NCKAP5: variants seen among roughly 807,000 people sequenced by gnomAD.
NCKAP5 encodes the protein NCK associated protein 5, also known as nck-associated protein 5.
Under a neutral mutation model 167.0 loss-of-function variants are expected in NCKAP5, and 92 were observed. That is an observed-to-expected ratio of 0.55 (90% CI 0.47 to 0.66). NCKAP5 has a LOEUF of 0.66. Ranked by LOEUF, NCKAP5 falls within the 30% of genes least tolerant of loss-of-function variation. The probability of loss-of-function intolerance (pLI) is 0.00; values close to 1 mark genes in which losing one functional copy is unlikely to be tolerated. For synonymous variants in NCKAP5, 891 were observed against 877.4 expected, an observed-to-expected ratio of 1.02 and a Z score of -0.27; for missense variants, 2,378 against 2,315.0, an observed-to-expected ratio of 1.03 and a Z score of -0.56.
intron 8 of NCKAP5, chr2:132,931,312 T>C (rs1445589523): frequency 1.3e-5 from 2 of 152,220 alleles, no homozygotes; most frequent in Non-Finnish European, 2.9e-5. Context: ...GCGAATAGAC[T>C]AATAGGCCAA....
chr2:133,223,655 C>T (rs927519427), intron 4 of NCKAP5, among the ~76,000 whole-genome samples: 3 of 152,098 alleles, frequency 2.0e-5, no homozygotes, highest in Non-Finnish European at 4.4e-5. Flanking sequence ...ATCACTGTTG[C>T]CCCCAAAACT....
chr2:133,132,355 A>C (rs1466737502), intron 5 of NCKAP5, among the ~76,000 whole-genome samples: 1 of 151,918 alleles, frequency 6.6e-6, no homozygotes, highest in Admixed American at 6.6e-5. Flanking sequence ...AAAGCAAAGA[A>C]TGCTCCATAG....
At position 132,937,475 on chromosome 2, in the gene NCKAP5, C is replaced by T. The variant is rs545294483; in HGVS notation, c.579+26245G>A. ...ATTTGAAGAGTCTTACTTTTGTAAA[C>T]GCTTTCCTAAGTGCTACCTGCACCT... On this transcript the variant is annotated intron_variant, in intron 8 of 19. Coordinates refer to ENST00000409261, the MANE Select transcript of NCKAP5 (RefSeq NM_207363.3). Among the ~76,000 whole-genome samples, 35 of 152,310 alleles carry T rather than the reference C, an allele frequency of 2.3e-4. No homozygotes were observed. The South Asian group carries it at 3.3e-3, about 14-fold the overall frequency.
intron 3 of NCKAP5, among the ~76,000 whole-genome samples, chr2:133,417,639 A>C (rs1689204415): frequency 6.6e-6 from 1 of 152,158 alleles, no homozygotes; most frequent in Admixed American, 6.5e-5. Context: ...AGATGGAGCT[A>C]TTGTCCTCCT....
At chr2:132,844,082 G>A (rs910567618) in intron 11 of NCKAP5, among the ~76,000 whole-genome samples, 1 of 152,010 alleles carries the variant, frequency 6.6e-6, no homozygotes, top group Non-Finnish European at 1.5e-5. Flanking sequence ...AGGATAGTTT[G>A]GCAGTTTAGG....
intron 4 of NCKAP5, among the ~76,000 whole-genome samples, chr2:133,272,888 A>C (rs2089578915): frequency 6.6e-6 from 1 of 152,164 alleles, no homozygotes; most frequent in South Asian, 2.1e-4. Flanking sequence ...TTGGTGCTTC[A>C]TTCCTTATTT....
intron 5 of NCKAP5, among the ~76,000 whole-genome samples, chr2:133,153,810 C>T (rs1036026256): frequency 6.6e-6 from 1 of 151,018 alleles, no homozygotes; most frequent in Non-Finnish European, 1.5e-5. Flanking sequence ...TCTTCCGAGG[C>T]CCACTTCAAA....
chr2:133,454,808 C>T (rs1646776156), intron 3 of NCKAP5, among the ~76,000 whole-genome samples: 1 of 151,982 alleles, frequency 6.6e-6, no homozygotes, highest in South Asian at 2.1e-4. Context: ...ATCTTACCTA[C>T]AATTATGAAG....
chr2:132,975,151 T>TA (rs2076943867), intron 7 of NCKAP5, among the ~76,000 whole-genome samples: 1 of 152,248 alleles, frequency 6.6e-6, no homozygotes, highest in Non-Finnish European at 1.5e-5. Flanking sequence ...CACAGGATTT[T>TA]AAAAGAACAT....
chr2:132,998,702 T>C lies in NCKAP5; in HGVS notation c.342-4463A>G, dbSNP rs967651258. 2.0e-5 allele frequency among the ~76,000 whole-genome samples: 3 copies of C among 152,158 alleles called. No homozygotes were observed. The East Asian group carries it at 5.8e-4, about 29-fold the overall frequency. ...ATTGTTGTTTGACGCCCAATTACAT[T>C]TTGCTTCATTTTATTATTTCGACGG... On this transcript the variant is annotated intron_variant, in intron 6 of 19. Transcript: ENST00000409261.
In NCKAP5 at chr2:133,304,528, G is replaced by T. The variant is rs1040528268; in HGVS notation, c.70-1418C>A. On this transcript the variant is annotated intron_variant, in intron 3 of 19. Coordinates refer to ENST00000409261, the MANE Select transcript of NCKAP5 (RefSeq NM_207363.3). ...AAAGCAGAAAGCTCTGCTACTGCAG[G>T]AAGTTGCAACATACATGGTTACGCT... Among the ~76,000 whole-genome samples, 4 of 152,196 alleles carry T rather than the reference G, an allele frequency of 2.6e-5. No homozygotes were observed. In the East Asian group the frequency reaches 7.7e-4, roughly 29 times the overall value.
In NCKAP5 at chr2:133,027,283, G is replaced by T. The variant is rs74818941; in HGVS notation, c.342-33044C>A. ...CATGAACCATATGACAAATACCCTC[G>T]TCTCTTCTTTTCACTTAGTGTAGCT... is the stretch of plus-strand genomic sequence containing the variant. On this transcript the variant is annotated intron_variant, in intron 6 of 19. Coordinates refer to ENST00000409261, the MANE Select transcript of NCKAP5 (RefSeq NM_207363.3). Among the ~76,000 whole-genome samples the T allele has an allele frequency of 7.7e-3, 1,176 of 152,142 alleles. 19 individuals carry two copies. The highest frequency in any genetic ancestry group is 0.027 in the African/African-American group (1,125 of 41,496).
At chr2:133,498,471 G>GC (rs1682154862) in intron 3 of NCKAP5, among the ~76,000 whole-genome samples, 7 of 137,342 alleles carry the variant, frequency 5.1e-5, no homozygotes, top group African/African-American at 2.0e-4. Context: ...AGGAAGGAAG[G>GC]AAGGAAGGAA....
At chr2:133,065,492 G>A (rs2080161150) in intron 6 of NCKAP5, among the ~76,000 whole-genome samples, 1 of 152,174 alleles carries the variant, frequency 6.6e-6, no homozygotes, top group South Asian at 2.1e-4. Flanking sequence ...GGGCATGGTG[G>A]CGCGTGCCTG....
intron 19 of NCKAP5, among the ~76,000 whole-genome samples, chr2:132,686,703 C>T (rs1685989384): frequency 6.6e-6 from 1 of 152,136 alleles, no homozygotes; most frequent in Non-Finnish European, 1.5e-5. Context: ...CGATTGAATT[C>T]CTAAGACAAG....
At chr2:133,271,447 T>C (rs1361119078) in intron 4 of NCKAP5, among the ~76,000 whole-genome samples, 6 of 151,040 alleles carry the variant, frequency 4.0e-5, no homozygotes, top group Non-Finnish European at 8.9e-5. Context: ...GAAAAGTTTT[T>C]TGCAATATAT....
At chr2:133,608,062 C>G in the NCKAP5 span, among the ~76,000 whole-genome samples, 1 of 152,086 alleles carries the variant, frequency 6.6e-6, no homozygotes. Flanking sequence ...CAACAAATAC[C>G]TAATGTGAAT....
chr2:132,861,071 C>A (rs1689868550), intron 10 of NCKAP5, among the ~76,000 whole-genome samples: 1 of 151,992 alleles, frequency 6.6e-6, no homozygotes, highest in Admixed American at 6.6e-5. Context: ...AGTTGAAATT[C>A]TCGGTGATGG....
the NCKAP5 span, among the ~76,000 whole-genome samples, chr2:133,589,254 G>A: frequency 6.6e-6 from 1 of 152,202 alleles, no homozygotes; most frequent in Admixed American, 6.5e-5. Flanking sequence ...GTTGGGAATA[G>A]TTTATATGTA....
Sources: allele counts gnomAD v4.1 joint callset (sites outside exome capture counted in the v4.1 genomes callset), GRCh38; gene constraint gnomAD v4.1.1; transcripts MANE v1.5; gene names NCBI Gene and HGNC (gene_info 2026-07-23, HGNC 2026-07-21).